Variants in UNC79 observed in about 807,000 individuals in gnomAD.
UNC79 encodes protein unc-79 homolog.
In UNC79, 37 loss-of-function variants were observed where a neutral mutation model predicts 283.1. The observed-to-expected ratio is 0.13, with a 90% CI of 0.10 to 0.17. The LOEUF (loss-of-function observed/expected upper bound fraction) is 0.17, where lower values mean the gene tolerates loss of function less well. UNC79 is among the 10% of genes least tolerant of loss of function. The pLI, the probability that UNC79 is intolerant of heterozygous loss-of-function variation, is 1.00. For synonymous variants in UNC79, 1,107 were observed against 1,200.2 expected (o/e 0.92, Z 1.61); for missense variants, 2,272 against 3,211.1 (o/e 0.71, Z 7.07).
In UNC79 at chr14:93,688,558, A is replaced by T; in HGVS notation, c.6910-107A>T. The T allele has an allele frequency of 7.7e-7, 1 of 1,292,278 alleles. No homozygotes were observed. The highest frequency in any genetic ancestry group is 1.1e-6 in the Non-Finnish European group (1 of 936,162). The allele number at this position is 1,292,278 out of a possible 1,614,324, so 80.1% of individuals were successfully genotyped here. ...AGAAGTTTAAGCAGGTTGTTTGCTC[A>T]GAGTGGCGATAAGCGGGGTGGAAAT... On this transcript the variant is annotated intron_variant, in intron 43 of 48. Coordinates refer to ENST00000555664, the Ensembl canonical transcript of UNC79. The surrounding 1 kb of genome is among the most constrained non-coding windows in gnomAD (Gnocchi z 4.0).
intron 1 of UNC79, among the ~76,000 whole-genome samples, chr14:93,413,395 A>G (rs564849938): frequency 2.0e-5 from 3 of 151,632 alleles, no homozygotes; most frequent in African/African-American, 7.3e-5. Flanking sequence ...CATGGTGTAT[A>G]TGTGCCACAT....
At chr14:93,485,517 C>G (rs184253843) in intron 4 of UNC79, among the ~76,000 whole-genome samples, 116 of 152,148 alleles carry the variant, frequency 7.6e-4, no homozygotes, top group African/African-American at 2.7e-3. Context: ...GAAGCATCTT[C>G]TTTGGCCCCA....
intron 1 of UNC79, among the ~76,000 whole-genome samples, chr14:93,448,031 C>A (rs2056516548): frequency 6.6e-6 from 1 of 152,102 alleles, no homozygotes; most frequent in Non-Finnish European, 1.5e-5. Flanking sequence ...TGCCTGTTAC[C>A]AAATCTGAGG....
At chr14:93,642,032 G>A (rs1171430620) in intron 33 of UNC79, among the ~76,000 whole-genome samples, 1 of 125,114 alleles carries the variant, frequency 8.0e-6, no homozygotes, top group Non-Finnish European at 1.8e-5. Context: ...ATGTGGAACT[G>A]AGAGTCAATT....
intron 30 of UNC79, among the ~76,000 whole-genome samples, chr14:93,627,969 C>T (rs927597834): frequency 2.6e-5 from 4 of 152,194 alleles, no homozygotes; most frequent in Non-Finnish European, 4.4e-5. Context: ...CCTAGATGAA[C>T]TGCTAGAGCC....
intron 26 of UNC79, among the ~76,000 whole-genome samples, chr14:93,605,566 C>T (rs1056031389): frequency 3.9e-5 from 6 of 152,094 alleles, no homozygotes; most frequent in African/African-American, 1.2e-4. Context: ...TGAATGGTGC[C>T]GTGACTCACT....
chr14:93,680,305 T>C (rs2073741494), intron 41 of UNC79, among the ~76,000 whole-genome samples: 1 of 152,178 alleles, frequency 6.6e-6, no homozygotes, highest in Non-Finnish European at 1.5e-5. Context: ...TTTAAAATTT[T>C]ACTTCTTCAC....
intron 1 of UNC79, among the ~76,000 whole-genome samples, chr14:93,405,077 G>A (rs2055199101): frequency 6.6e-6 from 1 of 152,082 alleles, no homozygotes; most frequent in Non-Finnish European, 1.5e-5. Context: ...GAGGTCGGTA[G>A]TTCGAGACCC....
In UNC79 at chr14:93,686,451, G is replaced by C; in HGVS notation, c.6820-121G>C. 32 of 1,000,816 alleles carry C rather than the reference G, an allele frequency of 3.2e-5. 1 individual carries two copies. In the South Asian group the frequency reaches 4.5e-4, roughly 14 times the overall value. 62.0% of individuals were successfully genotyped at this position (1,000,816 alleles called of 1,614,324 possible). A position where few individuals can be genotyped will look rare whatever the true frequency, so the allele number is the denominator to read the frequency against. On this transcript the variant is annotated intron_variant, in intron 42 of 48. Transcript: ENST00000555664. ...CACAGACCAAGCTGAGAGTAATGGA[G>C]TGAGTCAGAAATCCAGAAAGTAAAA...
At chr14:93,612,721 C>G (rs971243686) in intron 26 of UNC79, 76 bp from the exon 28 acceptor site, 1 of 1,532,810 alleles carries the variant, frequency 6.5e-7, no homozygotes, top group African/African-American at 1.4e-5. Context: ...GGTGCCTTAT[C>G]AATATCTAAG....
chr14:93,353,814 C>A (rs2054026317), intron 1 of UNC79, among the ~76,000 whole-genome samples: 1 of 152,010 alleles, frequency 6.6e-6, no homozygotes, highest in African/African-American at 2.4e-5. Flanking sequence ...ACTGAAGAAC[C>A]AAAAAGAAAA....
At chr14:93,385,833 G>A (rs971073237) in intron 1 of UNC79, among the ~76,000 whole-genome samples, 10 of 151,850 alleles carry the variant, frequency 6.6e-5, no homozygotes, top group Non-Finnish European at 1.5e-4. Flanking sequence ...GTATGCTGCA[G>A]CTTTACTGAA....
At chr14:93,423,461 T>G (rs969240563) in intron 1 of UNC79, among the ~76,000 whole-genome samples, 2 of 152,122 alleles carry the variant, frequency 1.3e-5, no homozygotes, top group Non-Finnish European at 2.9e-5. Context: ...TGACTTCAAC[T>G]TACACTACAG....
At chr14:93,411,127 C>A (rs561135169) in intron 1 of UNC79, among the ~76,000 whole-genome samples, 1 of 152,198 alleles carries the variant, frequency 6.6e-6, no homozygotes, top group East Asian at 1.9e-4. Context: ...CACAAGCTGA[C>A]TAAAGAGCTC....
chr14:93,695,557 A>G (rs542565223), intron 47 of UNC79, among the ~76,000 whole-genome samples: 5 of 152,302 alleles, frequency 3.3e-5, no homozygotes, highest in East Asian at 1.9e-4. Flanking sequence ...ACATTATGCC[A>G]TGCACCATGA....
chr14:93,476,575 G>A (rs888469521), intron 3 of UNC79, among the ~76,000 whole-genome samples: 8 of 152,250 alleles, frequency 5.3e-5, no homozygotes, highest in South Asian at 2.1e-4. Context: ...TAATTCTAAC[G>A]ACAATCAGAA....
chr14:93,382,930 G>T (rs1222368101), intron 1 of UNC79, among the ~76,000 whole-genome samples: 2 of 152,142 alleles, frequency 1.3e-5, no homozygotes, highest in African/African-American at 4.8e-5. Context: ...ACTAGACAAG[G>T]TAGAATGTCT....
At chr14:93,437,092 T>C (rs2056112348) in intron 1 of UNC79, among the ~76,000 whole-genome samples, 1 of 152,134 alleles carries the variant, frequency 6.6e-6, no homozygotes, top group African/African-American at 2.4e-5. Context: ...CACAAATGCA[T>C]GTGTATATAC....
intron 14 of UNC79, among the ~76,000 whole-genome samples, chr14:93,546,137 G>A (rs71429800): frequency 0.02 from 3,025 of 152,306 alleles, 38 homozygotes; most frequent in Non-Finnish European, 0.033. Context: ...AATAATTGGA[G>A]AAGCTGCATA....
Sources: gnomAD v4.1 joint callset for allele counts (sites outside exome capture counted in the v4.1 genomes callset) on GRCh38, gnomAD v4.1.1 for gene constraint, Gnocchi (gnomAD v3.1) non-coding constraint, MANE v1.5 for transcripts, NCBI Gene and HGNC (gene_info 2026-07-23, HGNC 2026-07-21) for gene names.